Variants in AAK1 observed in about 807,000 individuals in gnomAD.
AAK1 encodes the protein AP2-associated protein kinase 1.
AAK1 carries 37 observed loss-of-function variants against 116.0 expected under a neutral mutation model. The ratio of observed to expected loss-of-function variants is 0.32; its 90% confidence interval spans 0.25 to 0.42. The LOEUF is 0.42. Among genes scored for constraint, AAK1 ranks in the 10% least tolerant of loss-of-function variants. The pLI, the probability that AAK1 is intolerant of heterozygous loss-of-function variation, is 1.00. For synonymous variants in AAK1, 458 were observed against 439.9 expected (o/e 1.04, Z -0.51); for missense variants, 919 against 1,170.6 (o/e 0.79, Z 3.14).
chr2:69,592,175 G>A (rs1048271048), intron 2 of AAK1, among the ~76,000 whole-genome samples: 3 of 152,124 alleles, frequency 2.0e-5, no homozygotes, highest in Admixed American at 1.3e-4. Flanking sequence ...AGAAATAGTC[G>A]ACCTGAGTAT....
intron 12 of AAK1, among the ~76,000 whole-genome samples, chr2:69,516,314 GA>G (rs1271426999): frequency 0.029 from 3,300 of 115,116 alleles, 112 homozygotes; most frequent in African/African-American, 0.093. Context: ...AAGATTTCCA[GA>G]AAAAAAAAAA....
intron 2 of AAK1, among the ~76,000 whole-genome samples, chr2:69,594,485 T>C (rs1558988226): frequency 2.0e-5 from 3 of 152,232 alleles, no homozygotes; most frequent in Non-Finnish European, 4.4e-5. Context: ...CAGTGCTTTA[T>C]ACTTAACCAC....
intron 2 of AAK1, among the ~76,000 whole-genome samples, chr2:69,614,210 A>G (rs1478574846): frequency 6.6e-6 from 1 of 152,310 alleles, no homozygotes; most frequent in Non-Finnish European, 1.5e-5. Context: ...TGTTTCATTT[A>G]CTGTCCATGA....
intron 2 of AAK1, among the ~76,000 whole-genome samples, chr2:69,578,960 T>C (rs1366505945): frequency 4.6e-5 from 7 of 152,124 alleles, no homozygotes; most frequent in Admixed American, 1.3e-4. Context: ...CGTGCCACCA[T>C]GCCCGGCTAA....
At position 69,475,838 on chromosome 2, in the gene AAK1, T is replaced by C. The variant is rs1481746371; in HGVS notation, c.*31A>G. On this transcript the variant is annotated 3_prime_UTR_variant, in exon 22 of 22. Coordinates refer to ENST00000409085, the MANE Select transcript of AAK1 (RefSeq NM_014911.5). The stretch of plus-strand genomic sequence containing the variant: ...GAAAATGTATTTTACGGTATGAAGG[T>C]TACAGAACTGCATCTGCTACTGGGT... 2.5e-6 allele frequency: 4 copies of C among 1,598,896 alleles called. No individual in the cohort carries two copies. In the South Asian group the frequency reaches 4.5e-5, roughly 18 times the overall value.
intron 2 of AAK1, among the ~76,000 whole-genome samples, chr2:69,560,371 C>T (rs1182729404): frequency 6.6e-6 from 1 of 152,164 alleles, no homozygotes; most frequent in African/African-American, 2.4e-5. Flanking sequence ...AGAAGACTGT[C>T]AATAGAGATG....
chr2:69,567,392 T>A (rs1355987025), intron 2 of AAK1, among the ~76,000 whole-genome samples: 4 of 152,202 alleles, frequency 2.6e-5, no homozygotes, highest in Admixed American at 2.6e-4. Context: ...TATAGGGTAA[T>A]TCCTGGTTGC....
intron 2 of AAK1, among the ~76,000 whole-genome samples, chr2:69,636,538 A>G (rs1573032108): frequency 6.6e-6 from 1 of 152,214 alleles, no homozygotes; most frequent in African/African-American, 2.4e-5. Flanking sequence ...CAAAAAGTTT[A>G]GAGACTACTG....
intron 3 of AAK1, among the ~76,000 whole-genome samples, chr2:69,551,878 C>A (rs559885764): frequency 6.6e-6 from 1 of 152,308 alleles, no homozygotes; most frequent in East Asian, 1.9e-4. Flanking sequence ...AAACGTGAAA[C>A]CACTCAGTGA....
At chr2:69,636,775 C>T (rs944280265) in intron 2 of AAK1, among the ~76,000 whole-genome samples, 1 of 151,814 alleles carries the variant, frequency 6.6e-6, no homozygotes, top group African/African-American at 2.4e-5. Flanking sequence ...TCTTGGCTCA[C>T]TGCAACCTCT....
rs1010659208 is a variant in AAK1 at position 69,463,520 on chromosome 2, ATTTAAT to A, written c.*12343_*12348del. 7 of 151,676 alleles carry A rather than the reference ATTTAAT, an allele frequency of 4.6e-5. No individual in the cohort carries two copies. Among genetic ancestry groups the A allele is most frequent in the Non-Finnish European group, 8.8e-5 (6 of 67,966 alleles). 9.4% of individuals were successfully genotyped at this position (151,676 alleles called of 1,614,324 possible). On this transcript the variant is annotated 3_prime_UTR_variant, in exon 22 of 22. Transcript: ENST00000409085. ...CCCAGCTAATTTTTTTCATTATTTT[ATTTAAT>A]TTTATTTTTTAGACTCGCTCTGTCG...
At chr2:69,499,097 T>C (rs1415893836) in intron 16 of AAK1, among the ~76,000 whole-genome samples, 3 of 152,184 alleles carry the variant, frequency 2.0e-5, no homozygotes, top group Admixed American at 2.0e-4. Flanking sequence ...GCTCAGTGAC[T>C]GGCACACTGA....
rs905532138 is a variant in AAK1, at chr2:69,465,881, C to T, written c.*9988G>A. 1.5e-6 allele frequency: 2 copies of T among 1,290,682 alleles called. No individual in the cohort carries two copies. Among genetic ancestry groups the T allele is most frequent in the African/African-American group, 1.5e-5 (1 of 65,804 alleles). The allele number at this position is 1,290,682 out of a possible 1,614,324, so 80.0% of individuals were successfully genotyped here. ...ACACAGCTCTCTCACGGCCCGCGGG[C>T]AGGGGGACATCACCTGTCTGACTGA... On this transcript the variant is annotated 3_prime_UTR_variant, in exon 22 of 22. Coordinates refer to ENST00000409085, the MANE Select transcript of AAK1 (RefSeq NM_014911.5).
At position 69,556,598 on chromosome 2, in the gene AAK1, A is replaced by G. The variant is rs139345362; in HGVS notation, c.282+262T>C. ...TTAATTTCTGGGAACCATGTTGTTA[A>G]GTAAGCTTTTCCCAATGCCCAAAAT... is the stretch of plus-strand genomic sequence containing the variant. On this transcript the variant is annotated intron_variant, in intron 3 of 21. Coordinates refer to ENST00000409085, the MANE Select transcript of AAK1 (RefSeq NM_014911.5). Among the ~76,000 whole-genome samples, 39 of 152,282 alleles carry G rather than the reference A, an allele frequency of 2.6e-4. No individual in the cohort carries two copies. The East Asian group carries it at 6.4e-3, about 25-fold the overall frequency.
chr2:69,482,671 A>AT (rs750213917), intron 18 of AAK1, 40 bp downstream of exon 18: 1 of 1,496,218 alleles, frequency 6.7e-7, no homozygotes, highest in South Asian at 1.1e-5. Context: ...ACAGGCACAC[A>AT]TATCATGCAT....
Position 69,467,959 on chromosome 2 carries a change from T to C in AAK1, c.*7910A>G, listed in dbSNP as rs1015045201. 1 of 985,476 alleles carries C rather than the reference T, an allele frequency of 1.0e-6. No homozygotes were observed. Among genetic ancestry groups the C allele is most frequent in the Non-Finnish European group, 1.2e-6 (1 of 829,934 alleles). 61.0% of individuals were successfully genotyped at this position (985,476 alleles called of 1,614,324 possible). On this transcript the variant is annotated 3_prime_UTR_variant, in exon 22 of 22. Transcript: ENST00000409085. The stretch of plus-strand genomic sequence containing the variant: ...TTTTAAACAGTTCTGACCTTAAATA[T>C]TGTTTTCAGAAACAGAACAAAAATG...
chr2:69,488,205 T>C (rs1325129745), intron 17 of AAK1, among the ~76,000 whole-genome samples: 4 of 149,570 alleles, frequency 2.7e-5, no homozygotes, highest in East Asian at 2.0e-4. Context: ...AAAAGTTGAA[T>C]AACTATTGGG....
intron 16 of AAK1, among the ~76,000 whole-genome samples, chr2:69,498,287 G>A (rs1675830680): frequency 6.6e-6 from 1 of 152,026 alleles, no homozygotes; most frequent in Non-Finnish European, 1.5e-5. Context: ...AGCATGTGTG[G>A]GCATCACTGG....
chr2:69,505,663 G>A lies in AAK1; in HGVS notation c.2175C>T (p.Pro725=), dbSNP rs768905660. The A allele has an allele frequency of 5.0e-5, 81 of 1,613,170 alleles. No homozygotes were observed. The highest frequency in any genetic ancestry group is 1.6e-4 in the Middle Eastern group (1 of 6,080). Residue 725 remains proline, a synonymous_variant, in exon 16 of 22, where the codon CCC becomes CCT. Transcript: ENST00000409085. ...DFAKLGEGKH[P]EKLGGSAESL... is the part of the protein sequence containing the mutation. ...TCTCAGCTGAGCCTCCAAGCTTCTC[G>A]GGATGTTTGCCTGGAGAGACAAAAC...
Sources: allele counts gnomAD v4.1 joint callset (sites outside exome capture counted in the v4.1 genomes callset), GRCh38; gene constraint gnomAD v4.1.1; transcripts MANE v1.5; gene names NCBI Gene and HGNC (gene_info 2026-07-23, HGNC 2026-07-21).